LITAF: variants seen among roughly 807,000 people sequenced by gnomAD.
LITAF encodes lipopolysaccharide induced TNF factor.
In LITAF, 9 loss-of-function variants were observed where a neutral mutation model predicts 14.5. The observed-to-expected ratio is 0.62, with a 90% confidence interval of 0.37 to 1.08. The LOEUF is 1.08. Ranked by LOEUF, LITAF falls within the 50% of genes least tolerant of loss-of-function variation. The probability of loss-of-function intolerance (pLI) is 0.01; values close to 1 mark genes in which losing one functional copy is unlikely to be tolerated. For synonymous variants in LITAF, 98 were observed against 88.2 expected, an observed-to-expected ratio of 1.11 and a Z score of -0.62; for missense variants, 206 against 213.4, an observed-to-expected ratio of 0.97 and a Z score of 0.22.
chr16:11,637,924 ATCTATATCTATATC>A (rs1567270830), upstream of LITAF, among the ~76,000 whole-genome samples: 3 of 103,092 alleles, frequency 2.9e-5, no homozygotes, highest in East Asian at 2.2e-4. Context: ...CTATATCTAT[ATCTATATCTATATC>A]TATATATCTA....
chr16:11,623,646 C>A (rs534483349), intron 3 of LITAF, among the ~76,000 whole-genome samples: 10 of 144,264 alleles, frequency 6.9e-5, no homozygotes, highest in African/African-American at 2.6e-4. Flanking sequence ...GGTGACAGAG[C>A]GAAACTTTGT....
intron 1 of LITAF, among the ~76,000 whole-genome samples, chr16:11,559,721 A>G (rs1007824375): frequency 2.0e-5 from 3 of 151,324 alleles, no homozygotes; most frequent in Non-Finnish European, 4.4e-5. Context: ...TAGGCCGGGC[A>G]TGGTGGCTTA....
rs566410923 is a variant in LITAF at position 11,610,706 on chromosome 16, T to C, written c.85+22827A>G. ...GAAACAGGGTTGCTGTGTTGGGTTG[T>C]GCAGGTTGCGCACTGCACAAATGCA... is the stretch of plus-strand genomic sequence containing the variant. On this transcript the variant is annotated intron_variant, in intron 3 of 3. Coordinates refer to the LITAF transcript ENST00000574848. 4.6e-5 allele frequency among the ~76,000 whole-genome samples: 7 copies of C among 152,268 alleles called. No individual in the cohort carries two copies. The East Asian group carries it at 1.2e-3, about 25-fold the overall frequency.
intron 3 of LITAF, among the ~76,000 whole-genome samples, chr16:11,624,562 G>T (rs761654878): frequency 3.9e-5 from 6 of 152,208 alleles, no homozygotes; most frequent in Non-Finnish European, 7.3e-5. Context: ...TGAGTTCTAT[G>T]ACATCTTGCA....
upstream of LITAF, among the ~76,000 whole-genome samples, chr16:11,600,150 A>G (rs996234345): frequency 1.3e-5 from 2 of 152,116 alleles, no homozygotes; most frequent in African/African-American, 4.8e-5. This position sits in a 1 kb window ranked among gnomAD's most constrained non-coding sequence, Gnocchi z 4.1. Flanking sequence ...GACACCAGCC[A>G]CCATGCCCAG....
intron 1 of LITAF, chr16:11,598,342 G>T (rs2080512): frequency 0.45 from 67,474 of 148,920 alleles, 15,411 homozygotes; most frequent in East Asian, 0.54. Flanking sequence ...TCTTCTACTC[G>T]GCTTGCAAAA....
chr16:11,588,878 CCCTT>C (rs978348952), upstream of LITAF, among the ~76,000 whole-genome samples: 5 of 145,882 alleles, frequency 3.4e-5, no homozygotes, highest in African/African-American at 1.3e-4. Context: ...CTTCCTTCCT[CCCTT>C]CCTCCTTTCC....
At chr16:11,602,723 C>A (rs1243419151), upstream of LITAF, among the ~76,000 whole-genome samples, 1 of 146,312 alleles carries the variant, frequency 6.8e-6, no homozygotes, top group Admixed American at 7.0e-5. Context: ...CCCGTGTGTA[C>A]CAGGTTGTAA....
chr16:11,624,666 T>C (rs1273033737), intron 3 of LITAF, among the ~76,000 whole-genome samples: 4 of 152,204 alleles, frequency 2.6e-5, no homozygotes, highest in African/African-American at 4.8e-5. Flanking sequence ...TTTACAGATT[T>C]ATCATGATAA....
At chr16:11,609,667 C>T (rs1211821810) in intron 3 of LITAF, among the ~76,000 whole-genome samples, 2 of 152,190 alleles carry the variant, frequency 1.3e-5, no homozygotes, top group African/African-American at 4.8e-5. Context: ...GAGCAAGTTA[C>T]TTCACCTCCC....
intron 1 of LITAF, chr16:11,636,154 C>T (rs2065137201): frequency 6.6e-6 from 1 of 152,202 alleles, no homozygotes; most frequent in Admixed American, 6.5e-5. Context: ...TCTCCAGCCT[C>T]CTCGGAGCCG....
chr16:11,617,144 C>T (rs981928779), intron 3 of LITAF, among the ~76,000 whole-genome samples: 5 of 151,836 alleles, frequency 3.3e-5, no homozygotes, highest in Non-Finnish European at 5.9e-5. Flanking sequence ...CGCTTGAACC[C>T]GGGAGGCAGT....
intron 3 of LITAF, among the ~76,000 whole-genome samples, chr16:11,616,011 T>G (rs990429693): frequency 3.9e-5 from 6 of 152,186 alleles, no homozygotes; most frequent in African/African-American, 9.6e-5. Context: ...TCACGAAACC[T>G]TGATAAGAAC....
At chr16:11,592,105 T>A (rs1399007093), upstream of LITAF, among the ~76,000 whole-genome samples, 1 of 152,214 alleles carries the variant, frequency 6.6e-6, no homozygotes, top group Non-Finnish European at 1.5e-5. Context: ...AAATTGGACT[T>A]CATCAGAATG....
chr16:11,630,887 G>A (rs779973555), intron 3 of LITAF, among the ~76,000 whole-genome samples: 54 of 152,222 alleles, frequency 3.5e-4, no homozygotes, highest in Non-Finnish European at 7.1e-4. Flanking sequence ...ATGGGCCACG[G>A]TGCCCGGCCT....
At chr16:11,597,916 T>C (rs1338403580) in intron 1 of LITAF, among the ~76,000 whole-genome samples, 2 of 152,146 alleles carry the variant, frequency 1.3e-5, no homozygotes, top group African/African-American at 2.4e-5. Flanking sequence ...GCTTTCTTTT[T>C]TCTTTGTAGA....
rs909046081 is a variant in LITAF, at chr16:11,605,412, A to G, written c.85+28121T>C. Among the ~76,000 whole-genome samples the G allele has an allele frequency of 5.9e-5, 9 of 152,140 alleles. No homozygotes were observed. Among genetic ancestry groups the G allele is most frequent in the Non-Finnish European group, 1.0e-4 (7 of 68,020 alleles). ...CCGGAGGACTGGGAAGAGGGAAAGG[A>G]GCACAGCTAGCACTGCCCTGGGCTC... On this transcript the variant is annotated intron_variant, in intron 3 of 3. Coordinates refer to the LITAF transcript ENST00000574848. The surrounding 1 kb of genome is among the most constrained non-coding windows in gnomAD (Gnocchi z 4.7).
chr16:11,600,583 C>G (rs914249586), upstream of LITAF, among the ~76,000 whole-genome samples: 5 of 152,242 alleles, frequency 3.3e-5, no homozygotes, highest in Non-Finnish European at 7.3e-5. The surrounding 1 kb of genome is among the most constrained non-coding windows in gnomAD (Gnocchi z 4.1). Context: ...AGCTGGCCCC[C>G]ACCCTTCACC....
chr16:11,560,166 G>A (rs1278991611), intron 1 of LITAF, among the ~76,000 whole-genome samples: 1 of 150,598 alleles, frequency 6.6e-6, no homozygotes, highest in African/African-American at 2.4e-5. Context: ...GTGTGATATT[G>A]GGCGCCTGTA....
Sources: allele counts gnomAD v4.1 joint callset (sites outside exome capture counted in the v4.1 genomes callset), GRCh38; gene constraint gnomAD v4.1.1; non-coding constraint Gnocchi (gnomAD v3.1); transcripts MANE v1.5; gene names NCBI Gene and HGNC (gene_info 2026-07-23, HGNC 2026-07-21).